The following CCNH variants were observed in gnomAD, a reference collection of about 807,000 sequenced individuals.
CCNH encodes the protein cyclin H.
Under a neutral mutation model 41.9 loss-of-function variants are expected in CCNH, and 31 were observed. The observed-to-expected ratio is 0.74, with a 90% CI of 0.56 to 1.00. The LOEUF (loss-of-function observed/expected upper bound fraction) is 1.00, where lower values mean the gene tolerates loss of function less well. CCNH is among the 50% of genes least tolerant of loss of function. The probability of loss-of-function intolerance (pLI) is 0.00; values close to 1 mark genes in which losing one functional copy is unlikely to be tolerated. For missense variants in CCNH, 362 were observed against 388.4 expected, an observed-to-expected ratio of 0.93 and a Z score of 0.57; for synonymous variants, 138 against 136.1, an observed-to-expected ratio of 1.01 and a Z score of -0.10.
At chr5:87,358,962 A>G (rs1170926611) in intron 9 of CCNH, among the ~76,000 whole-genome samples, 2 of 152,140 alleles carry the variant, frequency 1.3e-5, no homozygotes, top group Non-Finnish European at 1.5e-5. Context: ...CACTTTACCT[A>G]GACACCTTAA....
At chr5:87,320,393 T>C (rs1756697795) in intron 9 of CCNH, among the ~76,000 whole-genome samples, 1 of 152,226 alleles carries the variant, frequency 6.6e-6, no homozygotes, top group African/African-American at 2.4e-5. Flanking sequence ...TACAAAGAAC[T>C]ACCTGAGACT....
At chr5:87,410,926 G>T (rs1764184383) in intron 2 of CCNH, among the ~76,000 whole-genome samples, 1 of 152,182 alleles carries the variant, frequency 6.6e-6, no homozygotes, top group Non-Finnish European at 1.5e-5. Flanking sequence ...TCTAGTCCCA[G>T]TCCTATGGCT....
Position 87,399,425 on chromosome 5 carries a change from G to A in CCNH, c.841C>T (p.His281Tyr). The A allele has an allele frequency of 6.2e-7, 1 of 1,613,658 alleles. No homozygotes were observed. Among genetic ancestry groups the A allele is most frequent in the Non-Finnish European group, 8.5e-7 (1 of 1,179,620 alleles). ...AVLKQKLERC[H>Y]SAELALNVIT... ...ACGTTAAGTGCAAGCTCAGCAGAAT[G>A]ACATCGCTCCAACTTCTGTTTCAGA... Residue 281 changes from histidine (H) to tyrosine (Y), a missense_variant, in exon 7 of 9, where the codon CAT becomes TAT. His to Tyr is a moderately conservative substitution (Grantham distance 83). Coordinates refer to ENST00000256897, the MANE Select transcript of CCNH (RefSeq NM_001239.4).
chr5:87,394,974 C>T (rs773759023), intron 8 of CCNH, 70 bp downstream of exon 8: 75 of 1,603,690 alleles, frequency 4.7e-5, no homozygotes, highest in Non-Finnish European at 5.4e-5. Context: ...GAGAATAAAT[C>T]TTAACAGTAT....
chr5:87,399,484 T>C lies in CCNH; in HGVS notation c.782A>G (p.Lys261Arg), dbSNP rs1411103655. The C allele has an allele frequency of 1.2e-6, 2 of 1,612,808 alleles. No homozygotes were observed. The highest frequency in any genetic ancestry group is 8.5e-7 in the Non-Finnish European group (1 of 1,179,026). Residue 261 changes from lysine to arginine, a missense_variant, in exon 7 of 9, where the codon AAG becomes AGG. Physicochemically the swap from Lys to Arg is conservative, Grantham distance 26. Transcript: ENST00000256897. The stretch of plus-strand genomic sequence containing the variant: ...TTCTTCAGATCTGGGTGGTTCATAC[T>C]TCTTTACTAAGTTTCTCATGCCTAT... ...IMKSMRNLVK[K>R]YEPPRSEEVA...
At chr5:87,316,121 C>A (rs1186927349), downstream of CCNH, among the ~76,000 whole-genome samples, 1 of 152,104 alleles carries the variant, frequency 6.6e-6, no homozygotes, top group Non-Finnish European at 1.5e-5. Flanking sequence ...TGCTCTGAGA[C>A]CAGATCTGTT....
chr5:87,408,087 C>A lies in CCNH; in HGVS notation c.414G>T (p.Lys138Asn). The A allele has an allele frequency of 6.2e-7, 1 of 1,613,164 alleles. No individual in the cohort carries two copies. The highest frequency in any genetic ancestry group is 8.5e-7 in the Non-Finnish European group (1 of 1,179,224). The change falls in exon 4 of 9, where the codon AAG becomes AAT. Residue 138 changes from lysine to asparagine, a missense_variant. Lys to Asn is a moderately conservative substitution (Grantham distance 94). Transcript: ENST00000256897. ...CATATTCCAGTATCTGTTCAAGTGC[C>A]TTCTCCTGTCCAAGAGGACTCTCCC... ...NLRESPLGQE[K>N]ALEQILEYEL...
intron 9 of CCNH, among the ~76,000 whole-genome samples, chr5:87,351,021 A>G (rs1759226565): frequency 6.6e-6 from 1 of 151,682 alleles, no homozygotes; most frequent in Non-Finnish European, 1.5e-5. Flanking sequence ...CTAAATGTAT[A>G]AAGAAAGATT....
At chr5:87,363,258 T>TCTAAAAA in intron 9 of CCNH, 1 of 1,172,486 alleles carries the variant, frequency 8.5e-7, no homozygotes, top group Non-Finnish European at 1.2e-6. Flanking sequence ...AAAAATTGAT[T>TCTAAAAA]GATTCATATT....
At chr5:87,390,510 G>C (rs1362200528), downstream of CCNH, among the ~76,000 whole-genome samples, 1 of 151,574 alleles carries the variant, frequency 6.6e-6, no homozygotes. Flanking sequence ...TTAAAAGAGA[G>C]ATAAACTGCT....
rs1437635036 is a variant in CCNH at position 87,411,470 on chromosome 5, ATTTTC to A, written c.118-129_118-125del. The A allele has an allele frequency of 3.9e-6, 3 of 763,094 alleles. No individual in the cohort carries two copies. In the Admixed American group the frequency reaches 1.1e-4, roughly 28 times the overall value. The allele number at this position is 763,094 out of a possible 1,614,324, so 47.3% of individuals were successfully genotyped here. A position where few individuals can be genotyped will look rare whatever the true frequency, so the allele number is the denominator to read the frequency against. On this transcript the variant is annotated intron_variant, in intron 1 of 8. Coordinates refer to ENST00000256897, the MANE Select transcript of CCNH (RefSeq NM_001239.4). ...CAACGAAGGGTATATATCACGCCTC[ATTTTC>A]TTTATAGATTCGCTAATCATTACAC...
intron 9 of CCNH, among the ~76,000 whole-genome samples, chr5:87,333,900 C>T (rs1757769978): frequency 6.6e-6 from 1 of 151,986 alleles, no homozygotes; most frequent in Non-Finnish European, 1.5e-5. Flanking sequence ...GTAAACTGGA[C>T]AGGCCTATAA....
chr5:87,397,099 G>A (rs1763024836), intron 7 of CCNH, among the ~76,000 whole-genome samples: 1 of 152,118 alleles, frequency 6.6e-6, no homozygotes, highest in Non-Finnish European at 1.5e-5. Context: ...AAGTACCAGA[G>A]CTGGTCCATG....
At chr5:87,327,840 C>T (rs909491106) in intron 9 of CCNH, among the ~76,000 whole-genome samples, 1 of 151,992 alleles carries the variant, frequency 6.6e-6, no homozygotes, top group African/African-American at 2.4e-5. Context: ...TGGCACACAC[C>T]TGTAATCCCA....
At chr5:87,359,267 T>C (rs1020707398) in intron 9 of CCNH, among the ~76,000 whole-genome samples, 1 of 152,158 alleles carries the variant, frequency 6.6e-6, no homozygotes, top group African/African-American at 2.4e-5. Flanking sequence ...AAGAGCTTGG[T>C]TCAATGGCTG....
intron 5 of CCNH, among the ~76,000 whole-genome samples, chr5:87,402,939 T>G (rs1317143232): frequency 5.9e-5 from 9 of 152,176 alleles, no homozygotes; most frequent in Admixed American, 5.9e-4. Flanking sequence ...AATTTTGAAT[T>G]TGAACTTATA....
intron 9 of CCNH, among the ~76,000 whole-genome samples, chr5:87,340,281 T>C (rs1758342440): frequency 6.6e-6 from 1 of 152,150 alleles, no homozygotes; most frequent in African/African-American, 2.4e-5. Context: ...CAAAATTGTT[T>C]CCTTCTGTAT....
downstream of CCNH, among the ~76,000 whole-genome samples, chr5:87,373,546 G>A (rs1472437749): frequency 6.6e-6 from 1 of 152,030 alleles, no homozygotes; most frequent in African/African-American, 2.4e-5. Context: ...AGAAAGATGA[G>A]GCTTAGAGGG....
intron 9 of CCNH, chr5:87,383,812 A>G: frequency 6.4e-6 from 10 of 1,551,008 alleles, no homozygotes; most frequent in Non-Finnish European, 8.9e-6. Flanking sequence ...TTGAAATTCA[A>G]AATATTAGAA....
Sources: gnomAD v4.1 joint callset for allele counts (sites outside exome capture counted in the v4.1 genomes callset) on GRCh38, gnomAD v4.1.1 for gene constraint, MANE v1.5 for transcripts, NCBI Gene and HGNC (gene_info 2026-07-23, HGNC 2026-07-21) for gene names.